Variants in ESRRG observed in about 807,000 individuals in gnomAD.
The protein encoded by ESRRG is estrogen-related receptor gamma.
ESRRG carries 13 observed loss-of-function variants against 44.0 expected under a neutral mutation model. The ratio of observed to expected loss-of-function variants is 0.30; its 90% CI spans 0.19 to 0.47. The LOEUF is 0.47. ESRRG is among the 20% of genes least tolerant of loss of function. ESRRG has a pLI of 1.00. For missense variants in ESRRG, 395 were observed against 580.6 expected, an observed-to-expected ratio of 0.68 and a Z score of 3.29; for synonymous variants, 215 against 214.6, an observed-to-expected ratio of 1.00 and a Z score of -0.02.
intron 1 of ESRRG, among the ~76,000 whole-genome samples, chr1:216,973,995 A>G (rs911608081): frequency 5.9e-5 from 9 of 152,134 alleles, no homozygotes; most frequent in Admixed American, 3.3e-4. Context: ...AATTGTCCCA[A>G]CCCCACTAGT....
intron 2 of ESRRG, among the ~76,000 whole-genome samples, chr1:216,938,744 A>G (rs1462650521): frequency 6.6e-6 from 1 of 152,210 alleles, no homozygotes; most frequent in Non-Finnish European, 1.5e-5. Context: ...GCAGGAACTC[A>G]GAGTAACTAA....
chr1:216,513,172 ATGTGTTTT>A (rs1240597312), intron 6 of ESRRG, among the ~76,000 whole-genome samples: 2 of 152,104 alleles, frequency 1.3e-5, no homozygotes, highest in African/African-American at 4.8e-5. Context: ...CTATATTTTT[ATGTGTTTT>A]TGTGTTTTCT....
chr1:217,089,116 T>C (rs2092272416), intron 1 of ESRRG, among the ~76,000 whole-genome samples: 1 of 152,012 alleles, frequency 6.6e-6, no homozygotes, highest in Admixed American at 6.6e-5. Flanking sequence ...CCCTGCTCCA[T>C]ATCCCCTCAC....
intron 3 of ESRRG, among the ~76,000 whole-genome samples, chr1:216,596,843 TC>T (rs1479715264): frequency 2.0e-5 from 3 of 152,110 alleles, no homozygotes; most frequent in African/African-American, 7.2e-5. Flanking sequence ...GGCCATGGCA[TC>T]CTGAGTACTA....
intron 3 of ESRRG, among the ~76,000 whole-genome samples, chr1:216,582,966 G>A (rs1468376144): frequency 6.6e-6 from 1 of 151,954 alleles, no homozygotes; most frequent in Non-Finnish European, 1.5e-5. Context: ...AGTGGTGGGA[G>A]AATGGGAGAA....
At chr1:216,514,045 C>G (rs1192285561) in intron 6 of ESRRG, among the ~76,000 whole-genome samples, 1 of 152,072 alleles carries the variant, frequency 6.6e-6, no homozygotes, top group Non-Finnish European at 1.5e-5. Flanking sequence ...CAGGTATTTA[C>G]TCAGGTAAAT....
chr1:216,681,812 G>C (rs1372353447), intron 1 of ESRRG: 4 of 152,070 alleles, frequency 2.6e-5, no homozygotes, highest in Non-Finnish European at 5.9e-5. Context: ...TTGCTGCTGT[G>C]GGGGAGAAAA....
In ESRRG at chr1:216,506,441, G is replaced by C. The variant is rs188566154; in HGVS notation, c.*498C>G. ...GAAGAAAAAGAAAGATGGAAAGAAG[G>C]TCAAGAGGAAAGGAAAGGAAAGGGA... On this transcript the variant is annotated 3_prime_UTR_variant, in exon 7 of 7. Transcript: ENST00000408911. 114 of 327,614 alleles carry C rather than the reference G, an allele frequency of 3.5e-4. No homozygotes were observed. Among genetic ancestry groups the C allele is most frequent in the Admixed American group, 3.3e-3 (81 of 24,506 alleles). 20.3% of individuals were successfully genotyped at this position (327,614 alleles called of 1,614,324 possible).
chr1:216,771,859 A>G (rs1389425051), intron 2 of ESRRG, among the ~76,000 whole-genome samples: 3 of 149,996 alleles, frequency 2.0e-5, no homozygotes, highest in Non-Finnish European at 3.0e-5. Context: ...ATGAGGTAAA[A>G]ATTTAAATAT....
At chr1:216,667,608 T>G (rs894982701) in intron 2 of ESRRG, among the ~76,000 whole-genome samples, 17 of 135,472 alleles carry the variant, frequency 1.3e-4, no homozygotes, top group Non-Finnish European at 1.8e-4. Flanking sequence ...ATCGCTTGAA[T>G]CCGGGAGGCG....
At chr1:216,689,382 A>G (rs1281854215) in intron 1 of ESRRG, among the ~76,000 whole-genome samples, 1 of 152,146 alleles carries the variant, frequency 6.6e-6, no homozygotes, top group Non-Finnish European at 1.5e-5. Flanking sequence ...ATTATAGAAC[A>G]TCAGCCAGGT....
chr1:216,980,424 T>A (rs2073755132), intron 1 of ESRRG, among the ~76,000 whole-genome samples: 2 of 152,142 alleles, frequency 1.3e-5, no homozygotes, highest in African/African-American at 2.4e-5. Context: ...TTATTTTTAT[T>A]CCCCAACCCA....
chr1:217,050,978 G>C, intron 1 of ESRRG, among the ~76,000 whole-genome samples: 1 of 152,050 alleles, frequency 6.6e-6, no homozygotes, highest in South Asian at 2.1e-4. Context: ...GAAGGACTCA[G>C]TGAACAGAAC....
intron 2 of ESRRG, among the ~76,000 whole-genome samples, chr1:216,671,371 G>A (rs1275782789): frequency 6.6e-6 from 1 of 152,176 alleles, no homozygotes; most frequent in Non-Finnish European, 1.5e-5. Context: ...CAGGGAGAGA[G>A]GGTTTACGAT....
At chr1:217,018,152 T>G (rs2079718202) in intron 1 of ESRRG, among the ~76,000 whole-genome samples, 1 of 152,228 alleles carries the variant, frequency 6.6e-6, no homozygotes, top group African/African-American at 2.4e-5. Flanking sequence ...AATGTCTTCC[T>G]AGCTGTTCTG....
intron 3 of ESRRG, among the ~76,000 whole-genome samples, chr1:216,578,269 C>A (rs2062055653): frequency 6.6e-6 from 1 of 151,708 alleles, no homozygotes; most frequent in African/African-American, 2.4e-5. Context: ...CTTCTTATTT[C>A]TTGTAACATT....
chr1:216,507,214 TATAATA>T, intron 6 of ESRRG, 31 bp from the exon 7 acceptor site: 1 of 1,484,380 alleles, frequency 6.7e-7, no homozygotes. Context: ...TATGAGTAAT[TATAATA>T]ATAATAGCAA....
At chr1:217,103,283 A>T (rs1181337055) in intron 1 of ESRRG, among the ~76,000 whole-genome samples, 1 of 152,048 alleles carries the variant, frequency 6.6e-6, no homozygotes, top group East Asian at 1.9e-4. Flanking sequence ...TGTGAGGCAG[A>T]GAGTGAGGAG....
intron 2 of ESRRG, among the ~76,000 whole-genome samples, chr1:216,820,970 T>C (rs938898277): frequency 2.0e-5 from 3 of 152,218 alleles, no homozygotes; most frequent in African/African-American, 7.2e-5. Flanking sequence ...TCATATTTTA[T>C]TGGACTTTTT....
Sources: gnomAD v4.1 joint callset for allele counts (sites outside exome capture counted in the v4.1 genomes callset) on GRCh38, gnomAD v4.1.1 for gene constraint, MANE v1.5 for transcripts, NCBI Gene and HGNC (gene_info 2026-07-23, HGNC 2026-07-21) for gene names.